The following FXYD6 variants were observed in gnomAD, a reference collection of about 807,000 sequenced individuals.
The protein encoded by FXYD6 is FXYD domain containing ion transport regulator 6, also known as FXYD domain-containing ion transport regulator 6.
In FXYD6, 7 loss-of-function variants were observed where a neutral mutation model predicts 16.7. The observed-to-expected ratio is 0.42, with a 90% CI of 0.24 to 0.79. The LOEUF (loss-of-function observed/expected upper bound fraction) is 0.79, where lower values mean the gene tolerates loss of function less well. FXYD6 is among the 30% of genes least tolerant of loss of function. The pLI is 0.28. For synonymous variants in FXYD6, 49 were observed against 43.0 expected (o/e 1.14, Z -0.54); for missense variants, 111 against 116.2 (o/e 0.95, Z 0.21).
intron 1 of FXYD6, among the ~76,000 whole-genome samples, chr11:117,860,581 T>C (rs1173516761): frequency 1.3e-5 from 2 of 152,172 alleles, no homozygotes; most frequent in African/African-American, 4.8e-5. Flanking sequence ...GGGGGATTTT[T>C]AAAAACAGGC....
chr11:117,839,545 T>G (rs2056287003), intron 7 of FXYD6: 1 of 516,228 alleles, frequency 1.9e-6, no homozygotes, highest in Non-Finnish European at 3.5e-6. Context: ...GTGGGCTGTG[T>G]GGAAGCCCCA....
chr11:117,855,812 C>T (rs2134169735), intron 1 of FXYD6, among the ~76,000 whole-genome samples: 1 of 152,322 alleles, frequency 6.6e-6, no homozygotes, highest in South Asian at 2.1e-4. Context: ...CTCGCCAGCA[C>T]AGGGGGCCTG....
chr11:117,863,468 C>T (rs1232998367), intron 1 of FXYD6, among the ~76,000 whole-genome samples: 4 of 150,714 alleles, frequency 2.7e-5, no homozygotes, highest in African/African-American at 9.8e-5. Flanking sequence ...TAATACAAGC[C>T]ATAAGTTTAA....
intron 2 of FXYD6, 106 bp downstream of exon 2, chr11:117,842,613 T>G: frequency 8.6e-7 from 1 of 1,163,038 alleles, no homozygotes. Context: ...ATGAAGAACG[T>G]GAGAGTCCCC....
At chr11:117,840,790 G>A (rs74922440) in intron 5 of FXYD6, among the ~76,000 whole-genome samples, 1,740 of 152,146 alleles carry the variant, frequency 0.011, 37 homozygotes, top group African/African-American at 0.038. Flanking sequence ...GGACTGTGTC[G>A]CAGGTCCTGT....
chr11:117,875,791 T>G (rs1387070412), intron 1 of FXYD6, among the ~76,000 whole-genome samples: 1 of 152,180 alleles, frequency 6.6e-6, no homozygotes, highest in African/African-American at 2.4e-5. Flanking sequence ...CCAGCGAGGC[T>G]GCTCCCAGCT....
At chr11:117,876,367 C>T (rs1340811865) in intron 1 of FXYD6, among the ~76,000 whole-genome samples, 1 of 152,204 alleles carries the variant, frequency 6.6e-6, no homozygotes, top group African/African-American at 2.4e-5. Flanking sequence ...GCCTGCCTCC[C>T]CTAGAGGCTC....
rs2057275961 is a variant in FXYD6 at position 117,876,641 on chromosome 11, G to C, written c.-55C>G. 1.3e-5 allele frequency: 2 copies of C among 152,250 alleles called. No individual in the cohort carries two copies. The highest frequency in any genetic ancestry group is 2.9e-5 in the Non-Finnish European group (2 of 68,098). 9.4% of individuals were successfully genotyped at this position (152,250 alleles called of 1,614,324 possible). On this transcript the variant is annotated 5_prime_UTR_variant, in exon 1 of 8. Coordinates refer to ENST00000526014, the MANE Select transcript of FXYD6 (RefSeq NM_022003.4). ...CTCCCAGGAGGACCCGCCGAGTCCCGAGGAGCCTGGGAGTGGCGGGGCTGG... is the reference window on the plus strand; with the variant it reads ...CTCCCAGGAGGACCCGCCGAGTCCCCAGGAGCCTGGGAGTGGCGGGGCTGG...
intron 1 of FXYD6, among the ~76,000 whole-genome samples, chr11:117,873,917 C>T (rs758070585): frequency 6.6e-6 from 1 of 152,258 alleles, no homozygotes; most frequent in South Asian, 2.1e-4. Context: ...TTTGGAAGGG[C>T]GTCCCAGTCA....
chr11:117,864,888 A>G (rs2056982710), intron 1 of FXYD6, among the ~76,000 whole-genome samples: 1 of 152,214 alleles, frequency 6.6e-6, no homozygotes, highest in Non-Finnish European at 1.5e-5. Context: ...TCTGGCCGAA[A>G]AATTGGACTT....
Position 117,858,728 on chromosome 11 carries a change from CCTTCCTT to C in FXYD6, c.-5-15954_-5-15948del, listed in dbSNP as rs1565323984. ...CTCTCTCTCTCTCCTTCCTTCCCTT[CCTTCCTT>C]CCTTCCTTCCTTCCTTCCTTCCTTC... On this transcript the variant is annotated intron_variant, in intron 1 of 7. Transcript: ENST00000526014. Among the ~76,000 whole-genome samples, 337 of 54,052 alleles carry C rather than the reference CCTTCCTT, an allele frequency of 6.2e-3. 9 individuals carry two copies. The highest frequency in any genetic ancestry group is 0.018 in the African/African-American group (292 of 15,810). The allele number at this position is 54,052 out of a possible 152,430, so 35.5% of individuals were successfully genotyped here.
At chr11:117,858,849 C>T (rs867336079) in intron 1 of FXYD6, among the ~76,000 whole-genome samples, 2 of 150,966 alleles carry the variant, frequency 1.3e-5, no homozygotes, top group Middle Eastern at 6.8e-3. Flanking sequence ...GATCTTGGCT[C>T]ACTGCAACCT....
At chr11:117,840,486 A>G in intron 5 of FXYD6, 118 bp from the exon 6 acceptor site, 1 of 1,361,994 alleles carries the variant, frequency 7.3e-7, no homozygotes. Context: ...CAGTGCCCTG[A>G]GGGGCTGGAG....
intron 1 of FXYD6, among the ~76,000 whole-genome samples, chr11:117,847,340 A>T (rs1487619942): frequency 1.3e-5 from 2 of 150,498 alleles, no homozygotes; most frequent in African/African-American, 4.9e-5. Context: ...GTTTATTTCT[A>T]TTTTTTTTTA....
intron 1 of FXYD6, among the ~76,000 whole-genome samples, chr11:117,851,418 C>T (rs550833508): frequency 2.4e-4 from 37 of 152,338 alleles, no homozygotes; most frequent in African/African-American, 8.2e-4. Flanking sequence ...AGAAATACAG[C>T]CTGCCATGAA....
intron 1 of FXYD6, among the ~76,000 whole-genome samples, chr11:117,848,436 A>G (rs1457359716): frequency 6.7e-6 from 1 of 150,284 alleles, no homozygotes; most frequent in Non-Finnish European, 1.5e-5. Context: ...GATTTGGCTT[A>G]CTGACATTTT....
At chr11:117,846,178 T>C (rs1195103200) in intron 1 of FXYD6, among the ~76,000 whole-genome samples, 1 of 152,248 alleles carries the variant, frequency 6.6e-6, no homozygotes, top group Non-Finnish European at 1.5e-5. Context: ...TACACTGTAA[T>C]AGAGCTGGAC....
chr11:117,855,689 A>T (rs907433292), intron 1 of FXYD6, among the ~76,000 whole-genome samples: 1 of 152,196 alleles, frequency 6.6e-6, no homozygotes, highest in African/African-American at 2.4e-5. Context: ...AGGAGGAGTC[A>T]CTGGGGGAAG....
intron 1 of FXYD6, among the ~76,000 whole-genome samples, chr11:117,867,735 T>C: frequency 6.6e-6 from 1 of 152,224 alleles, no homozygotes. Context: ...TCTAACTGCG[T>C]GCCTTTGTAT....
Sources: allele counts gnomAD v4.1 joint callset (sites outside exome capture counted in the v4.1 genomes callset), GRCh38; gene constraint gnomAD v4.1.1; transcripts MANE v1.5; gene names NCBI Gene and HGNC (gene_info 2026-07-23, HGNC 2026-07-21).